The following MBD5 variants were observed in gnomAD, a reference collection of about 807,000 sequenced individuals.
MBD5 encodes the protein methyl-CpG-binding domain protein 5.
A neutral mutation model predicts 117.3 loss-of-function variants in MBD5; 13 were observed. The ratio of observed to expected loss-of-function variants is 0.11; its 90% CI spans 0.07 to 0.18. MBD5 has a LOEUF of 0.18. MBD5 is among the 10% of genes least tolerant of loss of function. The pLI is 1.00. For synonymous variants in MBD5, 727 were observed against 766.4 expected (o/e 0.95, Z 0.85); for missense variants, 1,879 against 2,093.8 (o/e 0.90, Z 2.00).
At chr2:148,315,397 ATC>A (rs546625206) in intron 3 of MBD5, among the ~76,000 whole-genome samples, 225 of 152,272 alleles carry the variant, frequency 1.5e-3, no homozygotes, top group African/African-American at 5.0e-3. Context: ...TCCAAAATAC[ATC>A]TGTTTGTTTT....
chr2:148,155,328 A>AG (rs1175297828), intron 1 of MBD5, among the ~76,000 whole-genome samples: 1 of 152,120 alleles, frequency 6.6e-6, no homozygotes, highest in East Asian at 1.9e-4. Flanking sequence ...GTGAGGCAGG[A>AG]GTGTACCTGG....
intron 2 of MBD5, among the ~76,000 whole-genome samples, chr2:148,184,142 G>T (rs1558962570): frequency 6.6e-6 from 1 of 151,642 alleles, no homozygotes; most frequent in Non-Finnish European, 1.5e-5. Flanking sequence ...CTCCTGAGTA[G>T]CTGGGACTGC....
At chr2:148,041,575 G>C (rs563969862) in intron 1 of MBD5, among the ~76,000 whole-genome samples, 2 of 152,262 alleles carry the variant, frequency 1.3e-5, no homozygotes, top group South Asian at 4.1e-4. Flanking sequence ...TCAGGAGAAA[G>C]ATGAGAACCA....
chr2:148,489,317 A>G (rs1681438727), intron 10 of MBD5, 69 bp from the exon 11 acceptor site: 3 of 1,577,910 alleles, frequency 1.9e-6, no homozygotes, highest in Non-Finnish European at 2.6e-6. Context: ...TTTTAAAATT[A>G]TAGTCTTTCT....
chr2:148,501,689 C>T (rs1271533515), intron 11 of MBD5, among the ~76,000 whole-genome samples: 1 of 152,118 alleles, frequency 6.6e-6, no homozygotes, highest in Non-Finnish European at 1.5e-5. Context: ...TATCCCCCCA[C>T]CACACTTGGT....
chr2:148,141,804 T>A (rs6738143), intron 1 of MBD5, among the ~76,000 whole-genome samples: 16,160 of 79,800 alleles, frequency 0.2, 1,331 homozygotes, highest in African/African-American at 0.28. Flanking sequence ...AAAAAAAAAA[T>A]GTTTTTAATA....
chr2:148,308,801 T>C (rs1701959917), intron 3 of MBD5, among the ~76,000 whole-genome samples: 1 of 152,142 alleles, frequency 6.6e-6, no homozygotes, highest in Non-Finnish European at 1.5e-5. Context: ...TACATATAAG[T>C]CTTTAATCCA....
At chr2:148,184,920 C>T (rs1039887149) in intron 2 of MBD5, among the ~76,000 whole-genome samples, 1 of 152,166 alleles carries the variant, frequency 6.6e-6, no homozygotes, top group Non-Finnish European at 1.5e-5. Flanking sequence ...CCTGATCCCA[C>T]CAGGGAGAAC....
At chr2:148,335,751 A>G (rs1314807988) in intron 3 of MBD5, among the ~76,000 whole-genome samples, 1 of 151,942 alleles carries the variant, frequency 6.6e-6, no homozygotes, top group African/African-American at 2.4e-5. Flanking sequence ...ATAATAATAA[A>G]TAAATAAACT....
intron 2 of MBD5, among the ~76,000 whole-genome samples, chr2:148,218,088 T>C (rs1699601384): frequency 6.6e-6 from 1 of 152,226 alleles, no homozygotes; most frequent in Admixed American, 6.5e-5. Context: ...TTTAATATCA[T>C]ACAATATAGC....
intron 1 of MBD5, among the ~76,000 whole-genome samples, chr2:148,034,321 A>G (rs948716729): frequency 3.3e-5 from 5 of 152,276 alleles, no homozygotes; most frequent in South Asian, 2.1e-4. Flanking sequence ...CGTTTCTTCT[A>G]TTTTACAGCT....
At chr2:148,060,582 G>T (rs993118201) in intron 1 of MBD5, among the ~76,000 whole-genome samples, 8 of 152,108 alleles carry the variant, frequency 5.3e-5, no homozygotes, top group African/African-American at 1.9e-4. Context: ...AAACTTGAAA[G>T]ATATTTACTT....
intron 3 of MBD5, among the ~76,000 whole-genome samples, chr2:148,263,155 C>A (rs1431086207): frequency 1.3e-5 from 2 of 151,996 alleles, no homozygotes; most frequent in Non-Finnish European, 2.9e-5. Context: ...TTGAAATGAC[C>A]ATAGGGTGCT....
intron 4 of MBD5, among the ~76,000 whole-genome samples, chr2:148,386,891 A>G (rs1363498600): frequency 6.6e-6 from 1 of 152,168 alleles, no homozygotes; most frequent in Non-Finnish European, 1.5e-5. Flanking sequence ...GGTCCTGTAA[A>G]TATTAAAGAA....
chr2:148,337,258 G>A (rs1702821585), intron 3 of MBD5, among the ~76,000 whole-genome samples: 1 of 151,884 alleles, frequency 6.6e-6, no homozygotes, highest in Non-Finnish European at 1.5e-5. Flanking sequence ...TATGTTTTTA[G>A]TGGTACTCTA....
At chr2:148,473,772 T>C (rs1680870574) in intron 8 of MBD5, among the ~76,000 whole-genome samples, 1 of 152,190 alleles carries the variant, frequency 6.6e-6, no homozygotes, top group Non-Finnish European at 1.5e-5. Context: ...TTAAATACTT[T>C]GAAGAATTTC....
intron 1 of MBD5, among the ~76,000 whole-genome samples, chr2:148,128,319 A>AT (rs770448665): frequency 8.5e-5 from 13 of 152,216 alleles, no homozygotes; most frequent in Admixed American, 5.9e-4. Context: ...ATGTCTACAT[A>AT]TATTACTTTT....
At chr2:148,146,347 C>T (rs1246318198) in intron 1 of MBD5, among the ~76,000 whole-genome samples, 1 of 152,090 alleles carries the variant, frequency 6.6e-6, no homozygotes, top group Admixed American at 6.6e-5. Flanking sequence ...CAGCCTCAAC[C>T]TCCCTGGCTC....
At chr2:148,055,080 G>A (rs1017746940) in intron 1 of MBD5, 5 of 152,106 alleles carry the variant, frequency 3.3e-5, no homozygotes, top group Non-Finnish European at 7.4e-5. Context: ...TAGATTCATA[G>A]GGATTCTTTT....
Sources: gnomAD v4.1 joint callset for allele counts (sites outside exome capture counted in the v4.1 genomes callset) on GRCh38, gnomAD v4.1.1 for gene constraint, MANE v1.5 for transcripts, NCBI Gene and HGNC (gene_info 2026-07-23, HGNC 2026-07-21) for gene names.